The following TLL2 variants were observed in gnomAD, a reference collection of about 807,000 sequenced individuals.
TLL2 encodes the protein tolloid-like protein 2.
In TLL2, 106 loss-of-function variants were observed where a neutral mutation model predicts 123.0. The observed-to-expected ratio is 0.86, with a 90% CI of 0.74 to 1.01. TLL2 has a LOEUF of 1.01. Among genes scored for constraint, TLL2 ranks in the 50% least tolerant of loss-of-function variants. The pLI is 0.00. For synonymous variants in TLL2, 494 were observed against 516.8 expected, an observed-to-expected ratio of 0.96 and a Z score of 0.60; for missense variants, 1,332 against 1,336.7, an observed-to-expected ratio of 1.00 and a Z score of 0.06.
chr10:96,431,813 C>T (rs1009870959), intron 4 of TLL2, among the ~76,000 whole-genome samples: 2 of 152,078 alleles, frequency 1.3e-5, no homozygotes, highest in Non-Finnish European at 2.9e-5. Flanking sequence ...GGGCAGAAGG[C>T]CTTCCTGTGA....
At chr10:96,388,377 G>A (rs1352783857) in intron 13 of TLL2, among the ~76,000 whole-genome samples, 2 of 152,124 alleles carry the variant, frequency 1.3e-5, no homozygotes, top group Non-Finnish European at 2.9e-5. Context: ...CTCCAGCCTG[G>A]GCAACGGAGC....
intron 3 of TLL2, among the ~76,000 whole-genome samples, chr10:96,443,856 C>T (rs191063761): frequency 1.3e-3 from 198 of 152,248 alleles, no homozygotes; most frequent in Non-Finnish European, 1.9e-3. Flanking sequence ...CAGAAAAACG[C>T]GGATCTGAAA....
chr10:96,510,645 C>T (rs757784603), intron 1 of TLL2, among the ~76,000 whole-genome samples: 6 of 152,108 alleles, frequency 3.9e-5, no homozygotes, highest in Non-Finnish European at 8.8e-5. Context: ...AAGTGATTTG[C>T]CCAAGGATAC....
chr10:96,387,967 G>A (rs1028377525), intron 13 of TLL2, among the ~76,000 whole-genome samples: 1 of 152,190 alleles, frequency 6.6e-6, no homozygotes, highest in Admixed American at 6.5e-5. Context: ...CTACCAGAGC[G>A]AGAAAGGAGT....
intron 7 of TLL2, among the ~76,000 whole-genome samples, chr10:96,415,602 A>G (rs1377311586): frequency 6.6e-6 from 1 of 151,230 alleles, no homozygotes; most frequent in Non-Finnish European, 1.5e-5. Context: ...TGCTTCTTGA[A>G]TTAAATATGC....
chr10:96,466,602 C>T (rs1469009018), intron 2 of TLL2, among the ~76,000 whole-genome samples: 5 of 152,232 alleles, frequency 3.3e-5, no homozygotes, highest in Non-Finnish European at 7.3e-5. Flanking sequence ...CACCTCCTCT[C>T]TCCAGCCCAC....
chr10:96,439,430 G>T (rs1589422926), intron 3 of TLL2, among the ~76,000 whole-genome samples: 1 of 150,534 alleles, frequency 6.6e-6, no homozygotes, highest in Non-Finnish European at 1.5e-5. Flanking sequence ...ACTTGCCTGG[G>T]TCTCTCTCTC....
At position 96,420,955 on chromosome 10, in the gene TLL2, C is replaced by A. The variant is rs754850293; in HGVS notation, c.923+1G>T. On this transcript the variant is annotated splice_donor_variant, in intron 7 of 20. Coordinates refer to ENST00000357947, the MANE Select transcript of TLL2 (RefSeq NM_012465.4). LOFTEE classifies it high-confidence loss of function. ...GACGAGGCATAAGCATAGATTCCGA[C>A]CTTGAGAAGGTGTTCCGGGCGTAGT... 1 of 1,613,968 alleles carries A rather than the reference C, an allele frequency of 6.2e-7. No individual in the cohort carries two copies. Among genetic ancestry groups the A allele is most frequent in the Non-Finnish European group, 8.5e-7 (1 of 1,179,860 alleles).
At chr10:96,427,730 T>C (rs1441808027) in intron 5 of TLL2, among the ~76,000 whole-genome samples, 7 of 152,250 alleles carry the variant, frequency 4.6e-5, no homozygotes, top group South Asian at 2.1e-4. Context: ...TAGGTTGTTT[T>C]ATTCAGTAAT....
At chr10:96,376,939 TG>T (rs997584659) in intron 17 of TLL2, 120 bp from the exon 18 acceptor site, 2 of 946,772 alleles carry the variant, frequency 2.1e-6, no homozygotes, top group Non-Finnish European at 2.9e-6. Flanking sequence ...TTATCAAATA[TG>T]GGGGTGGGGT....
At chr10:96,479,524 C>G (rs1847290513) in intron 2 of TLL2, among the ~76,000 whole-genome samples, 1 of 152,228 alleles carries the variant, frequency 6.6e-6, no homozygotes, top group Non-Finnish European at 1.5e-5. Context: ...CTGCAATCAG[C>G]ATAGTGAAGC....
chr10:96,436,743 T>C (rs1369921328), intron 3 of TLL2, among the ~76,000 whole-genome samples: 1 of 152,060 alleles, frequency 6.6e-6, no homozygotes, highest in East Asian at 1.9e-4. Flanking sequence ...TGGAGTGCAG[T>C]GGCATGATCT....
intron 2 of TLL2, among the ~76,000 whole-genome samples, chr10:96,466,538 G>A (rs1437822909): frequency 6.6e-6 from 1 of 152,184 alleles, no homozygotes; most frequent in Non-Finnish European, 1.5e-5. Context: ...CTTATGGCCA[G>A]GCCTACTTGT....
chr10:96,471,914 G>A (rs546090423), intron 2 of TLL2, among the ~76,000 whole-genome samples: 7 of 151,870 alleles, frequency 4.6e-5, no homozygotes, highest in African/African-American at 1.7e-4. Flanking sequence ...GTGTGCGTGC[G>A]TGTGTGTGTG....
chr10:96,408,907 T>A (rs1437195566), intron 9 of TLL2, among the ~76,000 whole-genome samples: 1 of 152,118 alleles, frequency 6.6e-6, no homozygotes, highest in East Asian at 1.9e-4. Flanking sequence ...TGTAAATAAG[T>A]ATGGCAACAG....
intron 1 of TLL2, among the ~76,000 whole-genome samples, chr10:96,497,012 G>T (rs982644942): frequency 6.6e-6 from 1 of 152,188 alleles, no homozygotes; most frequent in Admixed American, 6.5e-5. Context: ...CGGGTGCAGT[G>T]GCTCATGCCT....
intron 10 of TLL2, among the ~76,000 whole-genome samples, chr10:96,398,936 A>T (rs1419119954): frequency 1.5e-5 from 2 of 135,254 alleles, no homozygotes; most frequent in East Asian, 4.4e-4. Flanking sequence ...CAATGGCGTG[A>T]TCTCAGCTCA....
At chr10:96,398,277 T>G (rs182985289) in intron 10 of TLL2, among the ~76,000 whole-genome samples, 134 of 152,188 alleles carry the variant, frequency 8.8e-4, no homozygotes, top group Admixed American at 2.5e-3. Flanking sequence ...CTAGGGTTGA[T>G]AAAAGGAGGA....
intron 9 of TLL2, among the ~76,000 whole-genome samples, chr10:96,409,646 T>C (rs1286318496): frequency 1.3e-5 from 2 of 152,164 alleles, no homozygotes; most frequent in African/African-American, 4.8e-5. Context: ...CATACCACCC[T>C]TGGACCAGAG....
Sources: allele counts gnomAD v4.1 joint callset (sites outside exome capture counted in the v4.1 genomes callset), GRCh38; gene constraint gnomAD v4.1.1; transcripts MANE v1.5; gene names NCBI Gene and HGNC (gene_info 2026-07-23, HGNC 2026-07-21).